Variants in ZNF208 observed in about 807,000 individuals in gnomAD.
ZNF208 encodes zinc finger protein 95.
ZNF208 carries 10 observed loss-of-function variants against 12.1 expected under a neutral mutation model. That is an observed-to-expected ratio of 0.83 (90% CI 0.51 to 1.40). The LOEUF is 1.40. Ranked by LOEUF, ZNF208 falls within the 40% of genes most tolerant of loss-of-function variation. ZNF208 has a pLI of 0.00. For missense variants in ZNF208, 1,652 were observed against 1,485.0 expected, an observed-to-expected ratio of 1.11 and a Z score of -1.85; for synonymous variants, 497 against 488.4, an observed-to-expected ratio of 1.02 and a Z score of -0.23.
chr19:22,009,145 G>T (rs1971099378), intron 1 of ZNF208, among the ~76,000 whole-genome samples: 1 of 152,168 alleles, frequency 6.6e-6, no homozygotes, highest in South Asian at 2.1e-4. Flanking sequence ...CTTTTTAAAT[G>T]TGCCATCAAA....
chr19:21,999,932 C>A (rs2145580408), intron 1 of ZNF208, among the ~76,000 whole-genome samples: 1 of 152,302 alleles, frequency 6.6e-6, no homozygotes, highest in Admixed American at 6.5e-5. Context: ...AGCCAGGTCT[C>A]TGGACAAGTT....
chr19:22,008,726 G>C (rs536015076), intron 1 of ZNF208, among the ~76,000 whole-genome samples: 1 of 152,090 alleles, frequency 6.6e-6, no homozygotes, highest in Non-Finnish European at 1.5e-5. Context: ...TGGAAGCTGC[G>C]TTGGGTAAAG....
Position 21,972,120 on chromosome 19 carries a change from G to T in ZNF208, c.2914C>A (p.Pro972Thr). The change falls in exon 4 of 4, where the codon CCT (proline) becomes ACT (threonine). Residue 972 changes from proline (P) to threonine (T), a missense_variant. Pro to Thr is a conservative substitution (Grantham distance 38). This residue lies in a region of ZNF208 where 1,239 missense variants were observed against 1,086.2 expected (regional missense o/e 1.14). Coordinates refer to ENST00000397126, the MANE Select transcript of ZNF208 (RefSeq NM_007153.3). ...YHKKIHTEEK[P>T]YKYEECGKGF... ...TTGCCACATTCTTCATATTTGTAAG[G>T]TTTCTCTTCAGTATGAATTTTCTTA... 6.2e-7 allele frequency: 1 copy of T among 1,609,804 alleles called. No homozygotes were observed. Among genetic ancestry groups the T allele is most frequent in the African/African-American group, 1.3e-5 (1 of 74,694 alleles).
chr19:21,969,078 G>A lies in ZNF208; in HGVS notation c.*2113C>T, dbSNP rs1215980232. Among the ~76,000 whole-genome samples, 2 of 152,134 alleles carry A rather than the reference G, an allele frequency of 1.3e-5. No individual in the cohort carries two copies. The highest frequency in any genetic ancestry group is 2.9e-5 in the Non-Finnish European group (2 of 68,016). ...GGGCGCCTGTAGTCCCAGCTAATTG[G>A]GAGGCTGAGGTGGGAGAATGGCATG... On this transcript the variant is annotated 3_prime_UTR_variant, in exon 4 of 4. Transcript: ENST00000397126.
intron 3 of ZNF208, among the ~76,000 whole-genome samples, chr19:21,979,643 T>C (rs1323687178): frequency 1.3e-5 from 2 of 152,142 alleles, no homozygotes; most frequent in Non-Finnish European, 2.9e-5. Context: ...ATTGTAAAGA[T>C]CATTGACACT....
chr19:22,006,278 A>G (rs1446197658), intron 1 of ZNF208, among the ~76,000 whole-genome samples: 1 of 152,096 alleles, frequency 6.6e-6, no homozygotes, highest in Non-Finnish European at 1.5e-5. Flanking sequence ...TTTCCCTAGG[A>G]AAAAAAGCCC....
At chr19:21,943,624 T>C (rs1969776423) in intron 4 of ZNF208, among the ~76,000 whole-genome samples, 1 of 152,270 alleles carries the variant, frequency 6.6e-6, no homozygotes, top group South Asian at 2.1e-4. Flanking sequence ...AACTGAAGCC[T>C]GACTAAGGCT....
At chr19:21,952,663 T>C (rs954905046) in intron 4 of ZNF208, among the ~76,000 whole-genome samples, 6 of 152,146 alleles carry the variant, frequency 3.9e-5, no homozygotes, top group Non-Finnish European at 2.9e-5. Flanking sequence ...CCCATCTGTA[T>C]GTCACCAACA....
intron 1 of ZNF208, among the ~76,000 whole-genome samples, chr19:21,997,024 G>A (rs1438714980): frequency 6.6e-5 from 10 of 152,192 alleles, no homozygotes; most frequent in African/African-American, 1.9e-4. Flanking sequence ...GGCACCTTAT[G>A]TGTTTGTATT....
rs1268331199 is a variant in ZNF208, at chr19:21,972,745, G to C, written c.2289C>G (p.Thr763=). The change falls in exon 4 of 4, where the codon ACC becomes ACG. Residue 763 remains threonine, a synonymous_variant. Coordinates refer to ENST00000397126, the MANE Select transcript of ZNF208 (RefSeq NM_007153.3). ...TATGAATTTTCTTATGATAACTAAGGGTTGAGGACCACTTATAGGCTTTGC... is the reference window on the plus strand; with the variant it reads ...TATGAATTTTCTTATGATAACTAAGCGTTGAGGACCACTTATAGGCTTTGC... The part of the protein sequence containing the change: ...ECGKAYKWSS[T]LSYHKKIHTV... 6.3e-7 allele frequency: 1 copy of C among 1,588,740 alleles called. No homozygotes were observed. Among genetic ancestry groups the C allele is most frequent in the Non-Finnish European group, 8.6e-7 (1 of 1,166,248 alleles).
In ZNF208 at chr19:21,973,828, A is replaced by C. The variant is rs1232238119; in HGVS notation, c.1206T>G (p.Cys402Trp). 68 of 1,613,410 alleles carry C rather than the reference A, an allele frequency of 4.2e-5. No homozygotes were observed. The highest frequency in any genetic ancestry group is 4.2e-5 in the Non-Finnish European group (50 of 1,179,886). The part of the protein sequence containing the change: ...TGEKPYKCEE[C>W]GKGFSMFSIL... ...TTGAGAACATACTAAAACCTTTGCCACATTCTTCACATTTGTAGGGTTTCT... is the reference window on the plus strand; with the variant it reads ...TTGAGAACATACTAAAACCTTTGCCCCATTCTTCACATTTGTAGGGTTTCT... The change falls in exon 4 of 4, where the codon TGT becomes TGG. Residue 402 changes from cysteine to tryptophan, a missense_variant. Physicochemically the swap from Cys to Trp is radical, Grantham distance 215. Transcript: ENST00000397126.
chr19:21,975,127 A>T (rs571767979), intron 3 of ZNF208, among the ~76,000 whole-genome samples: 1 of 152,204 alleles, frequency 6.6e-6, no homozygotes, highest in Non-Finnish European at 1.5e-5. Flanking sequence ...GTACCTTCAG[A>T]ACTAAATTGT....
intron 1 of ZNF208, among the ~76,000 whole-genome samples, chr19:21,995,243 C>T (rs1053433831): frequency 6.6e-6 from 1 of 152,152 alleles, no homozygotes; most frequent in Non-Finnish European, 1.5e-5. Flanking sequence ...TGAGACATTG[C>T]ACCCAGCCTG....
At chr19:21,952,642 TAC>T (rs1969908496) in intron 4 of ZNF208, among the ~76,000 whole-genome samples, 1 of 149,102 alleles carries the variant, frequency 6.7e-6, no homozygotes. Flanking sequence ...AAAAAGGATA[TAC>T]ACCAAAACCC....
At chr19:21,975,089 G>C (rs565112027) in intron 3 of ZNF208, among the ~76,000 whole-genome samples, 1 of 152,132 alleles carries the variant, frequency 6.6e-6, no homozygotes, top group Non-Finnish European at 1.5e-5. Flanking sequence ...TACCCAGTAC[G>C]ACTCTTTCTG....
Position 21,967,765 on chromosome 19 carries a change from C to A in ZNF208, c.*3426G>T, listed in dbSNP as rs556168596. 1 of 152,166 alleles carries A rather than the reference C, an allele frequency of 6.6e-6. No homozygotes were observed. The highest frequency in any genetic ancestry group is 2.1e-4 in the South Asian group (1 of 4,828). 9.4% of individuals were successfully genotyped at this position (152,166 alleles called of 1,614,324 possible). On this transcript the variant is annotated 3_prime_UTR_variant, in exon 4 of 4. Transcript: ENST00000397126. The stretch of plus-strand genomic sequence containing the variant: ...TTTGAATGTATTTTAGAATAGTTTT[C>A]TTTTTCTAATTCAATAAAAATCGTC...
rs145551125 is a variant in ZNF208, at chr19:21,971,575, G to A, written c.3459C>T (p.Ser1153=). 1,642 of 1,609,894 alleles carry A rather than the reference G, an allele frequency of 1.0e-3. 8 individuals are homozygous for A. In the African/African-American group the frequency reaches 0.019, roughly 19 times the overall value. The change falls in exon 4 of 4, where the codon TCC becomes TCT. Residue 1153 remains serine (S), a synonymous_variant. Transcript: ENST00000397126. ...CEECGKAYKW[S]STLSYHKKIH... ...TTTTCTTATGATAACTAAGGGTTGA[G>A]GACCACTTATAGGCTTTGCCACATT...
At chr19:21,964,004 C>T (rs945949980), downstream of ZNF208, among the ~76,000 whole-genome samples, 26 of 151,746 alleles carry the variant, frequency 1.7e-4, no homozygotes, top group African/African-American at 6.0e-4. Context: ...AATGTACCAC[C>T]ACAAAAATGA....
At chr19:21,964,982 C>T (rs2145533860), downstream of ZNF208, among the ~76,000 whole-genome samples, 1 of 151,814 alleles carries the variant, frequency 6.6e-6, no homozygotes, top group East Asian at 1.9e-4. Flanking sequence ...TTACTACAAG[C>T]CTATAAATTT....
Sources: gnomAD v4.1 joint callset for allele counts (sites outside exome capture counted in the v4.1 genomes callset) on GRCh38, gnomAD v4.1.1 for gene constraint, gnomAD v4.1.1 regional missense constraint, MANE v1.5 for transcripts, NCBI Gene and HGNC (gene_info 2026-07-23, HGNC 2026-07-21) for gene names.